ACYP2: variants seen among roughly 807,000 people sequenced by gnomAD.
ACYP2 encodes acylphosphatase-2.
ACYP2 carries 12 observed loss-of-function variants against 11.2 expected under a neutral mutation model. That is an observed-to-expected ratio of 1.08 (90% CI 0.69 to 1.74). The LOEUF (loss-of-function observed/expected upper bound fraction) is 1.74, where lower values mean the gene tolerates loss of function less well. Ranked by LOEUF, ACYP2 falls within the 40% of genes most tolerant of loss-of-function variation. ACYP2 has a pLI of 0.00. For missense variants in ACYP2, 134 were observed against 101.9 expected, an observed-to-expected ratio of 1.31 and a Z score of -1.35; for synonymous variants, 43 against 32.2, an observed-to-expected ratio of 1.33 and a Z score of -1.13.
chr2:54,190,305 A>G (rs1684188353), intron 6 of ACYP2, among the ~76,000 whole-genome samples: 2 of 151,940 alleles, frequency 1.3e-5, no homozygotes, highest in Non-Finnish European at 1.5e-5. Flanking sequence ...CAAAACCCCA[A>G]TCCACTTTCC....
At chr2:54,079,001 A>T (rs1279954719) in intron 4 of ACYP2, among the ~76,000 whole-genome samples, 1 of 152,208 alleles carries the variant, frequency 6.6e-6, no homozygotes, top group Admixed American at 6.5e-5. Context: ...ATGAGTAGAG[A>T]CTTTAAAAGT....
At chr2:53,998,442 A>G (rs1186336030) in intron 2 of ACYP2, among the ~76,000 whole-genome samples, 1 of 152,188 alleles carries the variant, frequency 6.6e-6, no homozygotes, top group Non-Finnish European at 1.5e-5. Flanking sequence ...TTAATAAACG[A>G]ATTGGTTGGG....
intron 6 of ACYP2, among the ~76,000 whole-genome samples, chr2:54,216,542 A>ATTT (rs202231897): frequency 6.8e-6 from 1 of 146,400 alleles, no homozygotes; most frequent in Non-Finnish European, 1.5e-5. Flanking sequence ...TCACGTTTAC[A>ATTT]TTTTTTTTTT....
At chr2:54,014,716 A>T (rs542249454) in intron 2 of ACYP2, among the ~76,000 whole-genome samples, 2 of 152,030 alleles carry the variant, frequency 1.3e-5, no homozygotes, top group East Asian at 3.9e-4. Context: ...CTATAATAAT[A>T]AATTTGTAAA....
At chr2:54,131,152 C>G (rs1680876222) in intron 4 of ACYP2, among the ~76,000 whole-genome samples, 1 of 152,190 alleles carries the variant, frequency 6.6e-6, no homozygotes, top group Admixed American at 6.6e-5. Flanking sequence ...AGTCAATAAT[C>G]AATGTTTAAC....
intron 6 of ACYP2, among the ~76,000 whole-genome samples, chr2:54,183,525 C>T (rs370021936): frequency 3.3e-5 from 5 of 150,300 alleles, no homozygotes; most frequent in Admixed American, 1.3e-4. Flanking sequence ...GAGCGAGACC[C>T]GGTCTCAAAA....
chr2:54,120,743 C>T (rs922166079), intron 4 of ACYP2, among the ~76,000 whole-genome samples: 1 of 152,156 alleles, frequency 6.6e-6, no homozygotes, highest in Non-Finnish European at 1.5e-5. Flanking sequence ...TGTGGTCAGC[C>T]CGCAGCTGGT....
Position 54,179,034 on chromosome 2 carries a change from G to A in ACYP2, c.404+40286G>A, listed in dbSNP as rs527535742. The stretch of plus-strand genomic sequence containing the variant: ...GTGTCTGGTTGGGGCTTCCTTCTTG[G>A]TTCATAGACAGCTGTCTTCTTGCTG... On this transcript the variant is annotated intron_variant, in intron 6 of 6. Coordinates refer to ENST00000607452, the MANE Select transcript of ACYP2 (RefSeq NM_001320586.2). Among the ~76,000 whole-genome samples the A allele has an allele frequency of 3.3e-5, 5 of 152,242 alleles. No individual in the cohort carries two copies. In the South Asian group the frequency reaches 8.3e-4, roughly 25 times the overall value.
intron 2 of ACYP2, among the ~76,000 whole-genome samples, chr2:53,983,023 A>G (rs189042665): frequency 1.4e-4 from 21 of 152,270 alleles, no homozygotes; most frequent in Admixed American, 1.2e-3. Flanking sequence ...GGGCAGCCAG[A>G]CAGTAAACAA....
intron 2 of ACYP2, among the ~76,000 whole-genome samples, chr2:53,992,558 C>A (rs779627400): frequency 1.3e-5 from 2 of 152,094 alleles, no homozygotes; most frequent in Non-Finnish European, 2.9e-5. Context: ...AGGTCGGGTG[C>A]GGTGGCTCAC....
intron 4 of ACYP2, among the ~76,000 whole-genome samples, chr2:54,098,202 T>G (rs1406837814): frequency 3.9e-5 from 6 of 152,026 alleles, no homozygotes; most frequent in Non-Finnish European, 8.8e-5. Flanking sequence ...CTCCTGACCT[T>G]AGGAGATCCA....
intron 4 of ACYP2, among the ~76,000 whole-genome samples, chr2:54,083,085 G>T (rs1418134705): frequency 7.6e-6 from 1 of 132,106 alleles, no homozygotes; most frequent in African/African-American, 2.7e-5. Context: ...AAAAAAAAAA[G>T]AAAAAAAAAA....
rs1456975607 is a variant in ACYP2 at position 54,096,047 on chromosome 2, G to C, written c.277+38687G>C. On this transcript the variant is annotated intron_variant, in intron 4 of 6. Transcript: ENST00000607452. ...TCCCGGACGGGGCGGCTGGCCGGGC[G>C]GGGGGCTGACCCCCACCTCCCTCCC... Among the ~76,000 whole-genome samples, 3 of 117,458 alleles carry C rather than the reference G, an allele frequency of 2.6e-5. No individual in the cohort carries two copies. The South Asian group carries it at 9.6e-4, about 38-fold the overall frequency. The allele number at this position is 117,458 out of a possible 152,430, so 77.1% of individuals were successfully genotyped here. A position where few individuals can be genotyped will look rare whatever the true frequency, so the allele number is the denominator to read the frequency against.
At chr2:54,213,245 C>T (rs764041717) in intron 6 of ACYP2, among the ~76,000 whole-genome samples, 3 of 152,140 alleles carry the variant, frequency 2.0e-5, no homozygotes, top group Non-Finnish European at 4.4e-5. Flanking sequence ...CCAGTTCTAT[C>T]CATGTTGCTG....
chr2:54,229,437 A>T (rs1320741552), intron 6 of ACYP2, among the ~76,000 whole-genome samples: 2 of 152,132 alleles, frequency 1.3e-5, no homozygotes, highest in South Asian at 4.1e-4. Flanking sequence ...TTTGATATGA[A>T]ATTATTATTT....
intron 6 of ACYP2, among the ~76,000 whole-genome samples, chr2:54,165,188 T>C (rs939509211): frequency 1.3e-5 from 2 of 152,226 alleles, no homozygotes; most frequent in Non-Finnish European, 2.9e-5. Flanking sequence ...CTAACCATCT[T>C]GGAGACACTG....
At chr2:54,195,793 G>GT in intron 6 of ACYP2, among the ~76,000 whole-genome samples, 1 of 65,420 alleles carries the variant, frequency 1.5e-5, no homozygotes, top group African/African-American at 6.4e-5. Context: ...TTTTGTTGTG[G>GT]GTTTTTTTTT....
intron 4 of ACYP2, among the ~76,000 whole-genome samples, chr2:54,131,846 A>G (rs980289286): frequency 2.6e-5 from 4 of 152,214 alleles, no homozygotes; most frequent in Middle Eastern, 3.2e-3. Context: ...CCTGGAAAGC[A>G]TGTGAAAACA....
At chr2:54,159,656 G>T (rs529224478) in intron 6 of ACYP2, among the ~76,000 whole-genome samples, 2 of 152,288 alleles carry the variant, frequency 1.3e-5, no homozygotes, top group East Asian at 3.9e-4. Context: ...TAACTGGGGT[G>T]AGAGAGGTAG....
Sources: allele counts gnomAD v4.1 joint callset (sites outside exome capture counted in the v4.1 genomes callset), GRCh38; gene constraint gnomAD v4.1.1; transcripts MANE v1.5; gene names NCBI Gene and HGNC (gene_info 2026-07-23, HGNC 2026-07-21).